Variants in ZNF804A observed in about 807,000 individuals in gnomAD.
The protein encoded by ZNF804A is zinc finger protein 804A.
In ZNF804A, 2 loss-of-function variants were observed where a neutral mutation model predicts 16.5. The ratio of observed to expected loss-of-function variants is 0.12; its 90% CI spans 0.05 to 0.38. The LOEUF (loss-of-function observed/expected upper bound fraction) is 0.38, where lower values mean the gene tolerates loss of function less well. Ranked by LOEUF, ZNF804A falls within the 10% of genes least tolerant of loss-of-function variation. The pLI is 0.99. For synonymous variants in ZNF804A, 534 were observed against 489.6 expected, an observed-to-expected ratio of 1.09 and a Z score of -1.20; for missense variants, 1,473 against 1,390.7, an observed-to-expected ratio of 1.06 and a Z score of -0.94.
chr2:184,810,060 A>C (rs1267930131), intron 1 of ZNF804A, among the ~76,000 whole-genome samples: 1 of 152,192 alleles, frequency 6.6e-6, no homozygotes. Flanking sequence ...TGAATGGACA[A>C]ACTATCGCCC....
chr2:184,846,395 A>T (rs1695517961), intron 1 of ZNF804A, among the ~76,000 whole-genome samples: 1 of 152,282 alleles, frequency 6.6e-6, no homozygotes, highest in East Asian at 1.9e-4. Flanking sequence ...TATACATATA[A>T]GAGATTTCTA....
chr2:184,766,586 C>T (rs188257494), intron 1 of ZNF804A, among the ~76,000 whole-genome samples: 21 of 147,602 alleles, frequency 1.4e-4, no homozygotes, highest in Admixed American at 2.7e-4. Flanking sequence ...CTTTACTGTG[C>T]GATATGACTG....
chr2:184,925,557 T>A (rs1251878012), intron 2 of ZNF804A, among the ~76,000 whole-genome samples: 1 of 152,020 alleles, frequency 6.6e-6, no homozygotes, highest in Non-Finnish European at 1.5e-5. Context: ...TATTGATAAG[T>A]AAGAACTTAC....
chr2:184,919,930 A>G (rs1574271006), intron 2 of ZNF804A, among the ~76,000 whole-genome samples: 1 of 152,236 alleles, frequency 6.6e-6, no homozygotes, highest in East Asian at 1.9e-4. Context: ...AGCCTGGCTA[A>G]CATGGTGAAA....
intron 2 of ZNF804A, among the ~76,000 whole-genome samples, chr2:184,899,126 C>T (rs982691621): frequency 5.9e-5 from 9 of 151,806 alleles, no homozygotes; most frequent in Middle Eastern, 3.2e-3. Context: ...ATACATGGTT[C>T]GTATTAATCA....
intron 2 of ZNF804A, among the ~76,000 whole-genome samples, chr2:184,931,205 T>C (rs147314746): frequency 6.6e-6 from 1 of 152,238 alleles, no homozygotes; most frequent in Non-Finnish European, 1.5e-5. Flanking sequence ...CATTCTGCTG[T>C]CTGGAGGACA....
chr2:184,718,970 C>T (rs1169785289), intron 1 of ZNF804A, among the ~76,000 whole-genome samples: 1 of 152,140 alleles, frequency 6.6e-6, no homozygotes. Context: ...TTACCTTGCC[C>T]TTCCCCCACA....
At chr2:184,726,060 T>C (rs1559135948) in intron 1 of ZNF804A, among the ~76,000 whole-genome samples, 1 of 151,716 alleles carries the variant, frequency 6.6e-6, no homozygotes, top group Non-Finnish European at 1.5e-5. Context: ...TTGTTTCCAG[T>C]TTGGGGCTAC....
chr2:184,936,395 T>C lies in ZNF804A; in HGVS notation c.999T>C (p.Asp333=). The C allele has an allele frequency of 6.2e-7, 1 of 1,614,000 alleles. No individual in the cohort carries two copies. Among genetic ancestry groups the C allele is most frequent in the Non-Finnish European group, 8.5e-7 (1 of 1,179,948 alleles). ...GTCAAAATTCAGTCCCATTAGCAGA[T>C]CAAATACCACTAGAGAGTGTTGTTA... ...DNCQNSVPLA[D]QIPLESVVIN... Residue 333 remains aspartate, a synonymous_variant, in exon 4 of 4, where the codon GAT becomes GAC. Coordinates refer to ENST00000302277, the MANE Select transcript of ZNF804A (RefSeq NM_194250.2).
intron 1 of ZNF804A, among the ~76,000 whole-genome samples, chr2:184,699,933 G>A (rs959461014): frequency 6.6e-6 from 1 of 151,906 alleles, no homozygotes; most frequent in Non-Finnish European, 1.5e-5. Flanking sequence ...CAAACAATAC[G>A]CCACTAGAGC....
intron 2 of ZNF804A, among the ~76,000 whole-genome samples, chr2:184,911,767 A>C (rs1035662698): frequency 2.6e-5 from 4 of 151,928 alleles, no homozygotes; most frequent in Non-Finnish European, 5.9e-5. Context: ...CTCAGCTTGA[A>C]TGTTTATTCC....
chr2:184,710,772 C>T (rs964681331), intron 1 of ZNF804A, among the ~76,000 whole-genome samples: 11 of 151,762 alleles, frequency 7.2e-5, no homozygotes, highest in African/African-American at 1.4e-4. Context: ...ATTTGTCCTT[C>T]TGTGATAAGC....
At chr2:184,688,139 A>G (rs1309159145) in intron 1 of ZNF804A, among the ~76,000 whole-genome samples, 1 of 152,088 alleles carries the variant, frequency 6.6e-6, no homozygotes, top group African/African-American at 2.4e-5. Context: ...CAAAAACAAA[A>G]CAGAACAATT....
At chr2:184,880,713 G>C (rs1225539974) in intron 2 of ZNF804A, among the ~76,000 whole-genome samples, 1 of 151,936 alleles carries the variant, frequency 6.6e-6, no homozygotes, top group African/African-American at 2.4e-5. Flanking sequence ...CTGGAAGCAG[G>C]GAAGTTCAAG....
At chr2:184,644,388 T>C (rs1438626059) in intron 1 of ZNF804A, among the ~76,000 whole-genome samples, 2 of 151,800 alleles carry the variant, frequency 1.3e-5, no homozygotes, top group Non-Finnish European at 3.0e-5. Context: ...TTTTTGTGTT[T>C]TAGTAATTTT....
chr2:184,808,612 T>C (rs894783674), intron 1 of ZNF804A, among the ~76,000 whole-genome samples: 1 of 151,452 alleles, frequency 6.6e-6, no homozygotes, highest in African/African-American at 2.4e-5. Flanking sequence ...ATAGATTATA[T>C]TTTTACACTT....
intron 2 of ZNF804A, among the ~76,000 whole-genome samples, chr2:184,882,233 G>A (rs1411678875): frequency 6.6e-6 from 1 of 151,972 alleles, no homozygotes; most frequent in Non-Finnish European, 1.5e-5. Flanking sequence ...ATATCAACAA[G>A]ATGATTACAA....
At chr2:184,787,492 C>CT (rs1044406626) in intron 1 of ZNF804A, among the ~76,000 whole-genome samples, 1 of 150,562 alleles carries the variant, frequency 6.6e-6, no homozygotes, top group Non-Finnish European at 1.5e-5. Context: ...GAGCACTCCT[C>CT]TTTCTCTGCA....
At chr2:184,807,620 G>C (rs1218336217) in intron 1 of ZNF804A, among the ~76,000 whole-genome samples, 1 of 151,756 alleles carries the variant, frequency 6.6e-6, no homozygotes, top group Non-Finnish European at 1.5e-5. Context: ...AAAAATGCAA[G>C]AAAGCAAATT....
Sources: gnomAD v4.1 joint callset for allele counts (sites outside exome capture counted in the v4.1 genomes callset) on GRCh38, gnomAD v4.1.1 for gene constraint, MANE v1.5 for transcripts, NCBI Gene and HGNC (gene_info 2026-07-23, HGNC 2026-07-21) for gene names.